The following NEAT1 variants were observed in gnomAD, a reference collection of about 807,000 sequenced individuals.
NEAT1 encodes the protein MENepsilon/beta.
exon 1 of NEAT1, chr11:65,437,325 G>A (rs1390234162): frequency 6.7e-6 from 1 of 150,030 alleles, no homozygotes; most frequent in Non-Finnish European, 1.5e-5. Flanking sequence ...TTTTGTTGTT[G>A]TTGTTAAACC....
chr11:65,423,098 A>T (rs1856515563), exon 1 of NEAT1: 1 of 152,576 alleles, frequency 6.6e-6, no homozygotes, highest in African/African-American at 2.4e-5. Flanking sequence ...GCTCTTGCAT[A>T]GCTGAGCGAG....
exon 1 of NEAT1, chr11:65,434,913 T>C (rs948748855): frequency 6.6e-6 from 1 of 152,232 alleles, no homozygotes; most frequent in Non-Finnish European, 1.5e-5. Flanking sequence ...ATTCTTGTCA[T>C]CTGTGTGTGA....
chr11:65,425,857 G>T (rs1856555903), exon 1 of NEAT1: 1 of 151,998 alleles, frequency 6.6e-6, no homozygotes, highest in African/African-American at 2.4e-5. Flanking sequence ...AACCTTTTGT[G>T]GTCACTGTAA....
At chr11:65,429,481 GGTGTGTGTGTGTGTGCGTGTGTGT>G (rs1222514003) in exon 1 of NEAT1, 3 of 134,536 alleles carry the variant, frequency 2.2e-5, no homozygotes, top group South Asian at 2.3e-4. Flanking sequence ...GGCCATTTGT[GGTGTGTGTGTGTGTGCGTGTGTGT>G]GTGTGTGTGT....
exon 1 of NEAT1, chr11:65,433,808 A>G (rs532373835): frequency 6.6e-6 from 1 of 151,656 alleles, no homozygotes; most frequent in African/African-American, 2.4e-5. Flanking sequence ...GTTCTACAGT[A>G]GTGAAGTCTG....
chr11:65,437,216 TATATATATATAC>T lies in NEAT1; in HGVS notation n.14444_14455del, dbSNP rs1349427634. On this transcript the variant is annotated non_coding_transcript_exon_variant, in exon 1 of 1. Coordinates refer to ENST00000501122, the Ensembl canonical transcript of NEAT1. ...ATATGTATATATATATATATGTATA[TATATATATATAC>T]ATATATATATACATATATATATACT... 1.8e-3 allele frequency: 264 copies of T among 142,820 alleles called. 1 individual carries two copies. The highest frequency in any genetic ancestry group is 5.0e-3 in the African/African-American group (184 of 37,066). The allele number at this position is 142,820 out of a possible 1,614,324, so 8.8% of individuals were successfully genotyped here.
At chr11:65,444,238 C>T (rs965481553) in exon 1 of NEAT1, 4 of 330,164 alleles carry the variant, frequency 1.2e-5, no homozygotes, top group South Asian at 2.4e-5. Flanking sequence ...AGACCTGGCT[C>T]GGAGCCCACC....
At chr11:65,444,541 C>T (rs753138876) in exon 1 of NEAT1, 18 of 495,220 alleles carry the variant, frequency 3.6e-5, no homozygotes, top group Middle Eastern at 3.2e-4. Context: ...TCCATGGCAG[C>T]CAGGACAGGA....
chr11:65,435,456 G>C (rs756040458), exon 1 of NEAT1: 1 of 152,096 alleles, frequency 6.6e-6, no homozygotes, highest in Admixed American at 6.5e-5. Context: ...CATATTGTAC[G>C]TGTTGGTATG....
chr11:65,434,581 A>T (rs563805462), exon 1 of NEAT1: 1 of 152,318 alleles, frequency 6.6e-6, no homozygotes, highest in African/African-American at 2.4e-5. Context: ...GGAAATTTAC[A>T]GTATTCTAAT....
At chr11:65,443,852 C>T (rs1427465980) in exon 1 of NEAT1, 1 of 152,960 alleles carries the variant, frequency 6.5e-6, no homozygotes, top group East Asian at 1.9e-4. Flanking sequence ...TTCCTGGAAG[C>T]CAGTGGCACG....
exon 1 of NEAT1, chr11:65,437,199 A>ATC (rs1188854321): frequency 2.9e-5 from 4 of 139,636 alleles, no homozygotes; most frequent in African/African-American, 8.7e-5. Flanking sequence ...ATATATGTAT[A>ATC]TATATATATA....
chr11:65,433,226 T>C (rs1022634986), exon 1 of NEAT1: 2 of 152,200 alleles, frequency 1.3e-5, no homozygotes, highest in African/African-American at 4.8e-5. Flanking sequence ...CTAGATCAAA[T>C]GGTTCTTAAC....
At position 65,439,156 on chromosome 11, in the gene NEAT1, G is replaced by A. The variant is rs369745276; in HGVS notation, n.16359G>A. On this transcript the variant is annotated non_coding_transcript_exon_variant, in exon 1 of 1. Transcript: ENST00000501122. ...GTGATGCTATCAAGCACCTTTGCTGGTGCTGTTGGCCATATGTGTATGTTC... is the reference window on the plus strand; with the variant it reads ...GTGATGCTATCAAGCACCTTTGCTGATGCTGTTGGCCATATGTGTATGTTC... 1.5e-4 allele frequency: 23 copies of A among 152,292 alleles called. No individual in the cohort carries two copies. The East Asian group carries it at 2.1e-3, about 14-fold the overall frequency. 9.4% of individuals were successfully genotyped at this position (152,292 alleles called of 1,614,324 possible).
exon 1 of NEAT1, chr11:65,444,552 C>T (rs778486713): frequency 2.0e-6 from 1 of 492,582 alleles, no homozygotes; most frequent in Non-Finnish European, 4.2e-6. Context: ...CAGGACAGGA[C>T]TCTCAAATGA....
At chr11:65,426,926 C>T (rs1261066010) in exon 1 of NEAT1, 1 of 152,174 alleles carries the variant, frequency 6.6e-6, no homozygotes, top group Non-Finnish European at 1.5e-5. Flanking sequence ...ACATAATATG[C>T]ATATTCCATA....
At chr11:65,444,011 G>A (rs375205051) in exon 1 of NEAT1, 16 of 173,880 alleles carry the variant, frequency 9.2e-5, no homozygotes, top group Non-Finnish European at 1.4e-4. Context: ...TTGCTTCATC[G>A]GCAGGTTGGG....
exon 1 of NEAT1, chr11:65,427,945 CT>C (rs1216418078): frequency 6.6e-6 from 1 of 152,222 alleles, no homozygotes; most frequent in Non-Finnish European, 1.5e-5. Context: ...TGAAATGGCA[CT>C]TGTTGATACA....
chr11:65,425,245 G>A (rs536048976), exon 1 of NEAT1: 1 of 152,266 alleles, frequency 6.6e-6, no homozygotes, highest in African/African-American at 2.4e-5. Context: ...CTACAAGGTG[G>A]GGAAGACTGA....
Sources: allele counts gnomAD v4.1 joint callset, GRCh38; gene constraint gnomAD v4.1.1; transcripts MANE v1.5; gene names NCBI Gene and HGNC (gene_info 2026-07-23, HGNC 2026-07-21).